Variants in MARCHF6 observed in about 807,000 individuals in gnomAD.
MARCHF6 encodes the protein membrane associated ring-CH-type finger 6.
MARCHF6 carries 31 observed loss-of-function variants against 133.7 expected under a neutral mutation model. The observed-to-expected ratio is 0.23, with a 90% CI of 0.17 to 0.31. The LOEUF (loss-of-function observed/expected upper bound fraction) is 0.31. Among genes scored for constraint, MARCHF6 ranks in the 10% least tolerant of loss-of-function variants. The pLI, the probability that MARCHF6 is intolerant of heterozygous loss-of-function variation, is 1.00. For synonymous variants in MARCHF6, 395 were observed against 402.5 expected, an observed-to-expected ratio of 0.98 and a Z score of 0.22; for missense variants, 723 against 1,121.6, an observed-to-expected ratio of 0.64 and a Z score of 5.08.
In MARCHF6 at chr5:10,353,884, GCCC is replaced by G; in HGVS notation, c.-10_-8del. 6.4e-7 allele frequency: 1 copy of G among 1,561,948 alleles called. No individual in the cohort carries two copies. The highest frequency in any genetic ancestry group is 8.6e-7 in the Non-Finnish European group (1 of 1,158,288). On this transcript the variant is annotated 5_prime_UTR_variant, in exon 1 of 26. Transcript: ENST00000274140. ...GGAGCCTCGTGGCTGCGTCACCGCCGCCCCCCCAGACAAGATGGACACCGCGGA... is the reference window on the plus strand; with the variant it reads ...GGAGCCTCGTGGCTGCGTCACCGCCGCCCCAGACAAGATGGACACCGCGGA...
At chr5:10,394,909 C>T (rs753683922) in intron 9 of MARCHF6, 124 bp downstream of exon 9, 4 of 580,154 alleles carry the variant, frequency 6.9e-6, no homozygotes, top group African/African-American at 2.0e-5. Context: ...ATGCCATTCT[C>T]CTGCCTCAGC....
chr5:10,386,047 A>T (rs1340712916), intron 4 of MARCHF6, among the ~76,000 whole-genome samples: 3 of 151,492 alleles, frequency 2.0e-5, no homozygotes, highest in Non-Finnish European at 2.9e-5. Flanking sequence ...TTTTAGCGAT[A>T]CACAGCACTC....
intron 10 of MARCHF6, among the ~76,000 whole-genome samples, chr5:10,399,309 A>G (rs1394632743): frequency 3.3e-5 from 5 of 151,842 alleles, no homozygotes; most frequent in Non-Finnish European, 7.4e-5. Context: ...ACTAATACGT[A>G]TATATAATTT....
chr5:10,366,138 G>C (rs1463116990), intron 1 of MARCHF6, among the ~76,000 whole-genome samples: 1 of 152,012 alleles, frequency 6.6e-6, no homozygotes, highest in Non-Finnish European at 1.5e-5. Context: ...CGCCATGTTG[G>C]CCAGGCTGGT....
chr5:10,428,070 A>G (rs572946926), intron 24 of MARCHF6, among the ~76,000 whole-genome samples: 87 of 152,182 alleles, frequency 5.7e-4, no homozygotes, highest in Non-Finnish European at 1.1e-3. Flanking sequence ...GTCTCAAAAA[A>G]AAAAAATTGC....
At chr5:10,390,885 G>C (rs577727904) in intron 6 of MARCHF6, among the ~76,000 whole-genome samples, 1 of 152,200 alleles carries the variant, frequency 6.6e-6, no homozygotes, top group South Asian at 2.1e-4. Context: ...AAAGACAAAG[G>C]CTGTCTTATA....
chr5:10,360,706 G>C (rs965553111), intron 1 of MARCHF6, among the ~76,000 whole-genome samples: 2 of 152,154 alleles, frequency 1.3e-5, no homozygotes, highest in Non-Finnish European at 2.9e-5. Flanking sequence ...CTCATCTTGG[G>C]TCAGTTGCTT....
intron 7 of MARCHF6, among the ~76,000 whole-genome samples, chr5:10,393,786 G>T (rs186117602): frequency 6.6e-6 from 1 of 152,168 alleles, no homozygotes; most frequent in Admixed American, 6.5e-5. Flanking sequence ...AAATCTGCCA[G>T]ATTCTTTCCT....
chr5:10,428,410 C>T lies in MARCHF6; in HGVS notation c.2507-1483C>T, dbSNP rs896689769. Among the ~76,000 whole-genome samples, 10 of 133,354 alleles carry T rather than the reference C, an allele frequency of 7.5e-5. No individual in the cohort carries two copies. The South Asian group carries it at 1.2e-3, about 16-fold the overall frequency. 87.5% of individuals were successfully genotyped at this position (133,354 alleles called of 152,430 possible). A position where few individuals can be genotyped will look rare whatever the true frequency, so the allele number is the denominator to read the frequency against. ...AGGCTGGAGTACAGTGGTGCAGTCT[C>T]GGCTCGCTGCAACCTCCACCTCCTG... On this transcript the variant is annotated intron_variant, in intron 24 of 25. Coordinates refer to ENST00000274140, the MANE Select transcript of MARCHF6 (RefSeq NM_005885.4).
chr5:10,364,805 CTTTATT>C (rs930844368), intron 1 of MARCHF6, among the ~76,000 whole-genome samples: 13 of 152,114 alleles, frequency 8.5e-5, no homozygotes, highest in African/African-American at 3.1e-4. Context: ...TCTGCTTCTT[CTTTATT>C]TTTATTTTTG....
chr5:10,384,209 C>T (rs913254456), intron 4 of MARCHF6, among the ~76,000 whole-genome samples: 5 of 151,888 alleles, frequency 3.3e-5, no homozygotes, highest in African/African-American at 7.3e-5. Flanking sequence ...AAATAAAATA[C>T]AGGAGAATAA....
intron 24 of MARCHF6, among the ~76,000 whole-genome samples, chr5:10,427,793 C>T (rs771543603): frequency 1.2e-4 from 18 of 152,202 alleles, no homozygotes; most frequent in Middle Eastern, 3.4e-3. Flanking sequence ...GCTTCTTAGA[C>T]AGTAAAGATA....
intron 5 of MARCHF6, among the ~76,000 whole-genome samples, chr5:10,389,888 A>G (rs1737717461): frequency 6.6e-6 from 1 of 152,080 alleles, no homozygotes. Context: ...GTTTTTAAAC[A>G]TGTGTAAAAT....
intron 1 of MARCHF6, among the ~76,000 whole-genome samples, chr5:10,375,226 A>G (rs931019595): frequency 1.3e-5 from 2 of 152,156 alleles, no homozygotes; most frequent in African/African-American, 4.8e-5. Flanking sequence ...CCGGGTGGGC[A>G]TGGGCTTGGT....
In MARCHF6 at chr5:10,407,953, T is replaced by TCC. The variant is rs11349150; in HGVS notation, c.1553+762_1553+763dup. On this transcript the variant is annotated intron_variant, in intron 17 of 25. Coordinates refer to ENST00000274140, the MANE Select transcript of MARCHF6 (RefSeq NM_005885.4). ...CTTGGGCAACAAGAGTGAAACTGCA[T>TCC]CCCCCCCCCCCCAAAAAAAAAAGCC... 8.5e-3 allele frequency among the ~76,000 whole-genome samples: 695 copies of TCC among 81,860 alleles called. 38 individuals carry two copies. The highest frequency in any genetic ancestry group is 0.035 in the African/African-American group (648 of 18,466). 53.7% of individuals were successfully genotyped at this position (81,860 alleles called of 152,430 possible).
At chr5:10,381,728 C>G in intron 3 of MARCHF6, 72 bp from the exon 4 acceptor site, 2 of 1,195,676 alleles carry the variant, frequency 1.7e-6, no homozygotes, top group Non-Finnish European at 2.3e-6. Flanking sequence ...TAGTTAATGT[C>G]TATTTTATAT....
chr5:10,396,933 T>C (rs1050778573), intron 9 of MARCHF6, among the ~76,000 whole-genome samples: 10 of 152,230 alleles, frequency 6.6e-5, no homozygotes, highest in African/African-American at 1.9e-4. Flanking sequence ...TACAATTAAT[T>C]TGGCTTTCAA....
At chr5:10,400,449 G>A (rs1464979423) in intron 10 of MARCHF6, among the ~76,000 whole-genome samples, 1 of 151,986 alleles carries the variant, frequency 6.6e-6, no homozygotes, top group Non-Finnish European at 1.5e-5. Flanking sequence ...TATTATTTTG[G>A]ACTTTTCCTT....
chr5:10,391,659 G>A lies in MARCHF6; in HGVS notation c.694G>A (p.Glu232Lys). 1 of 1,610,624 alleles carries A rather than the reference G, an allele frequency of 6.2e-7. No individual in the cohort carries two copies. The highest frequency in any genetic ancestry group is 8.5e-7 in the Non-Finnish European group (1 of 1,178,556). Residue 232 changes from glutamate to lysine, a missense_variant, in exon 7 of 26, where the codon GAG becomes AAG. This residue lies in a region of MARCHF6 where 97 missense variants were observed against 115.4 expected (regional missense o/e 0.84). Transcript: ENST00000274140. ...PDAQDDQAEE[E>K]EEDNEEEDDA... ...TGCCCAGGATGACCAGGCAGAAGAG[G>A]AGGAGGAGGACAATGAGGAGGAAGA...
Sources: allele counts gnomAD v4.1 joint callset (sites outside exome capture counted in the v4.1 genomes callset), GRCh38; gene constraint gnomAD v4.1.1; regional missense constraint gnomAD v4.1.1; transcripts MANE v1.5; gene names NCBI Gene and HGNC (gene_info 2026-07-23, HGNC 2026-07-21).